The following GOLT1A variants were observed in gnomAD, a reference collection of about 807,000 sequenced individuals.
GOLT1A encodes the protein vesicle transport protein GOT1A.
A neutral mutation model predicts 16.1 loss-of-function variants in GOLT1A; 10 were observed. That is an observed-to-expected ratio of 0.62 (90% CI 0.38 to 1.05). The LOEUF is 1.05. Among genes scored for constraint, GOLT1A ranks in the 50% least tolerant of loss-of-function variants. The pLI is 0.01. For missense variants in GOLT1A, 137 were observed against 165.7 expected (o/e 0.83, Z 0.95); for synonymous variants, 60 against 67.9 (o/e 0.88, Z 0.57).
chr1:204,211,941 G>A (rs969887588), intron 1 of GOLT1A, among the ~76,000 whole-genome samples: 1 of 152,070 alleles, frequency 6.6e-6, no homozygotes, highest in Non-Finnish European at 1.5e-5. Context: ...GTCAATAGTG[G>A]GGAGGTGAGA....
intron 1 of GOLT1A, among the ~76,000 whole-genome samples, chr1:204,212,816 G>A (rs1263059610): frequency 6.6e-6 from 1 of 152,038 alleles, no homozygotes; most frequent in Admixed American, 6.6e-5. Context: ...TGACCCCTCA[G>A]TGACATCCCT....
chr1:204,203,275 A>G (rs2102336457), intron 1 of GOLT1A, among the ~76,000 whole-genome samples: 1 of 151,968 alleles, frequency 6.6e-6, no homozygotes, highest in African/African-American at 2.4e-5. Flanking sequence ...ACCACTTTAT[A>G]CTCTCAGCCT....
intron 2 of GOLT1A, among the ~76,000 whole-genome samples, chr1:204,202,676 G>A (rs1658980826): frequency 6.6e-6 from 1 of 152,098 alleles, no homozygotes; most frequent in Non-Finnish European, 1.5e-5. Context: ...GATTCTTGGT[G>A]CCAGCGGGCT....
At chr1:204,206,557 A>T (rs1659041762) in intron 1 of GOLT1A, among the ~76,000 whole-genome samples, 1 of 152,252 alleles carries the variant, frequency 6.6e-6, no homozygotes, top group Non-Finnish European at 1.5e-5. Flanking sequence ...CCCAAATGAT[A>T]AAAGTGTTTT....
intron 1 of GOLT1A, among the ~76,000 whole-genome samples, chr1:204,203,637 A>C (rs1658995808): frequency 6.6e-6 from 1 of 152,226 alleles, no homozygotes; most frequent in Non-Finnish European, 1.5e-5. Flanking sequence ...CCTATATCCA[A>C]GACCCAAGCC....
At chr1:204,198,805 G>A (rs1268199835) in intron 4 of GOLT1A, 1 of 486,258 alleles carries the variant, frequency 2.1e-6, no homozygotes, top group Non-Finnish European at 3.6e-6. Flanking sequence ...AGCTTTTCCT[G>A]CTGTCATCAG....
intron 4 of GOLT1A, chr1:204,198,876 G>A (rs2102333650): frequency 2.1e-6 from 1 of 476,402 alleles, no homozygotes; most frequent in African/African-American, 1.9e-5. Context: ...GAAATCTCAG[G>A]CATGTCCTGG....
At chr1:204,208,474 G>GTATATATATA (rs1175788237) in intron 1 of GOLT1A, among the ~76,000 whole-genome samples, 16 of 31,438 alleles carry the variant, frequency 5.1e-4, no homozygotes, top group Non-Finnish European at 1.2e-3. Context: ...GTGTGTGTGT[G>GTATATATATA]TGTATATATA....
intron 3 of GOLT1A, among the ~76,000 whole-genome samples, chr1:204,199,711 G>A (rs1483410613): frequency 6.6e-6 from 1 of 152,214 alleles, no homozygotes; most frequent in Non-Finnish European, 1.5e-5. Context: ...CCTGGGCGTC[G>A]GGGGCTGTTG....
chr1:204,198,898 A>G (rs775360660), intron 4 of GOLT1A: 9 of 499,378 alleles, frequency 1.8e-5, no homozygotes, highest in Non-Finnish European at 2.9e-5. Flanking sequence ...TGAGTCACCT[A>G]GAGTCTCTGC....
chr1:204,213,047 G>A (rs897907836), intron 1 of GOLT1A, among the ~76,000 whole-genome samples: 3 of 152,106 alleles, frequency 2.0e-5, no homozygotes, highest in Non-Finnish European at 4.4e-5. Flanking sequence ...CCTTCTCAGT[G>A]AGGCTTCCCT....
At chr1:204,207,656 G>T (rs755093644) in intron 1 of GOLT1A, among the ~76,000 whole-genome samples, 2 of 152,204 alleles carry the variant, frequency 1.3e-5, no homozygotes, top group African/African-American at 4.8e-5. Flanking sequence ...CCTCAGGCAC[G>T]CAGTGAGTCT....
chr1:204,212,988 C>G (rs1659162991), intron 1 of GOLT1A, among the ~76,000 whole-genome samples: 3 of 152,160 alleles, frequency 2.0e-5, no homozygotes, highest in Admixed American at 6.5e-5. Flanking sequence ...CGTGGCTTTG[C>G]TTCCTCACTT....
chr1:204,209,848 A>T (rs1659110760), intron 1 of GOLT1A, among the ~76,000 whole-genome samples: 1 of 152,194 alleles, frequency 6.6e-6, no homozygotes, highest in African/African-American at 2.4e-5. Context: ...ACCTGAGGTC[A>T]GGAGTTCGAG....
intron 2 of GOLT1A, 138 bp from the exon 3 acceptor site, chr1:204,201,949 G>A: frequency 1.4e-6 from 1 of 718,674 alleles, no homozygotes; most frequent in East Asian, 2.7e-5. Context: ...CCATCCAGCA[G>A]TGTGGCAGAA....
intron 2 of GOLT1A, among the ~76,000 whole-genome samples, chr1:204,202,644 G>A (rs746570246): frequency 3.9e-5 from 6 of 152,024 alleles, no homozygotes; most frequent in Non-Finnish European, 8.8e-5. Flanking sequence ...CCCAGAGCTC[G>A]GTGTGAGAAT....
rs146945182 is a variant in GOLT1A at position 204,201,697 on chromosome 1, C to A, written c.232G>T (p.Val78Leu). 6.2e-7 allele frequency: 1 copy of A among 1,614,100 alleles called. No homozygotes were observed. The highest frequency in any genetic ancestry group is 1.3e-5 in the African/African-American group (1 of 75,002). ...CCGAGGAGGGGCCAGCGTAGGAGCA[C>A]GATAACCACACCCCCCAGGAGGAAG... Reference protein sequence around the residue: ...TSFLLGGVVIVLLRWPLLGMF... With the variant: ...TSFLLGGVVILLLRWPLLGMF... Residue 78 changes from valine (V) to leucine (L), a missense_variant, in exon 3 of 5, where the codon GTG (valine) becomes TTG (leucine). Physicochemically the swap from Val to Leu is conservative, Grantham distance 32. Transcript: ENST00000308302.
intron 4 of GOLT1A, 41 bp from the exon 5 acceptor site, chr1:204,198,537 G>A (rs747424365): frequency 1.9e-6 from 3 of 1,590,742 alleles, no homozygotes; most frequent in African/African-American, 2.7e-5. Flanking sequence ...AAAGGGTAGA[G>A]AGCAGATGCA....
At chr1:204,207,390 G>A (rs1659056397) in intron 1 of GOLT1A, among the ~76,000 whole-genome samples, 1 of 152,154 alleles carries the variant, frequency 6.6e-6, no homozygotes, top group Non-Finnish European at 1.5e-5. Flanking sequence ...AGACCTCAGA[G>A]ACCAGCTTTA....
Sources: allele counts gnomAD v4.1 joint callset (sites outside exome capture counted in the v4.1 genomes callset), GRCh38; gene constraint gnomAD v4.1.1; transcripts MANE v1.5; gene names NCBI Gene and HGNC (gene_info 2026-07-23, HGNC 2026-07-21).